The following MGST1 variants were observed in gnomAD, a reference collection of about 807,000 sequenced individuals.
MGST1 encodes microsomal glutathione S-transferase 1.
In MGST1, 5 loss-of-function variants were observed where a neutral mutation model predicts 8.9. The ratio of observed to expected loss-of-function variants is 0.56; its 90% CI spans 0.29 to 1.19. The LOEUF is 1.19. MGST1 is among the 50% of genes most tolerant of loss of function. The probability of loss-of-function intolerance (pLI) is 0.08; values close to 1 mark genes in which losing one functional copy is unlikely to be tolerated. For missense variants in MGST1, 182 were observed against 187.4 expected, an observed-to-expected ratio of 0.97 and a Z score of 0.17; for synonymous variants, 54 against 67.8, an observed-to-expected ratio of 0.80 and a Z score of 1.00.
In MGST1 at chr12:16,587,916, A is replaced by G. The variant is rs1943371292; in HGVS notation, n.483-1612A>G. On this transcript the variant is annotated intron_variant and non_coding_transcript_variant, in intron 4 of 4. Coordinates refer to the MGST1 transcript ENST00000538857. This position sits in a 1 kb window ranked among gnomAD's most constrained non-coding sequence, Gnocchi z 4.3. ...CATTGCTACATTTCTCATGAAAGAA[A>G]ACCTTGATTTAATTTTAAATGAACA... is the stretch of plus-strand genomic sequence containing the variant. Among the ~76,000 whole-genome samples the G allele has an allele frequency of 6.6e-6, 1 of 152,142 alleles. No homozygotes were observed. The highest frequency in any genetic ancestry group is 2.4e-5 in the African/African-American group (1 of 41,442).
intron 4 of MGST1, among the ~76,000 whole-genome samples, chr12:16,574,454 T>C (rs1046255883): frequency 3.9e-5 from 6 of 152,138 alleles, no homozygotes; most frequent in African/African-American, 1.2e-4. Flanking sequence ...GATGGCATAA[T>C]AGATATTCCC....
chr12:16,437,071 A>G (rs1381482626), intron 1 of MGST1, among the ~76,000 whole-genome samples: 1 of 151,968 alleles, frequency 6.6e-6, no homozygotes, highest in Admixed American at 6.6e-5. Flanking sequence ...TTAGAGAAAG[A>G]CAAGATTACT....
intron 3 of MGST1, among the ~76,000 whole-genome samples, chr12:16,375,661 A>G (rs1182013496): frequency 1.3e-5 from 2 of 152,022 alleles, no homozygotes; most frequent in Non-Finnish European, 2.9e-5. Context: ...GCATGGCAGA[A>G]AGAAGATACA....
chr12:16,365,727 A>G (rs1387825801), downstream of MGST1, among the ~76,000 whole-genome samples: 1 of 128,876 alleles, frequency 7.8e-6, no homozygotes, highest in East Asian at 3.3e-4. Context: ...GTGCATGAAC[A>G]TGCACGCGTG....
chr12:16,494,357 CT>C (rs2137159891), intron 4 of MGST1, among the ~76,000 whole-genome samples: 1 of 152,164 alleles, frequency 6.6e-6, no homozygotes, highest in African/African-American at 2.4e-5. Context: ...AGGATTTATG[CT>C]TTGAAACATA....
At position 16,542,129 on chromosome 12, in the gene MGST1, G is replaced by A. The variant is rs142412267; in HGVS notation, n.483-47399G>A. Among the ~76,000 whole-genome samples the A allele has an allele frequency of 2.9e-3, 448 of 152,274 alleles. 5 individuals carry two copies. The highest frequency in any genetic ancestry group is 1.0e-2 in the African/African-American group (415 of 41,554). ...GCAAGAGGAAGGAAACAATAGCAAAGAGAGTAATTCCTACATCTGGAAAGA... is the reference window on the plus strand; with the variant it reads ...GCAAGAGGAAGGAAACAATAGCAAAAAGAGTAATTCCTACATCTGGAAAGA... On this transcript the variant is annotated intron_variant and non_coding_transcript_variant, in intron 4 of 4. Transcript: ENST00000538857.
rs1565471394 is a variant in MGST1, at chr12:16,537,439, G to A, written n.483-52089G>A. Among the ~76,000 whole-genome samples, 1 of 152,144 alleles carries A rather than the reference G, an allele frequency of 6.6e-6. No individual in the cohort carries two copies. Among genetic ancestry groups the A allele is most frequent in the Non-Finnish European group, 1.5e-5 (1 of 68,024 alleles). ...ACCATTCTGGGATCTGGAGCATGGT[G>A]GCCCTCTTCTCACAGCTCCACTAGG... On this transcript the variant is annotated intron_variant and non_coding_transcript_variant, in intron 4 of 4. Transcript: ENST00000538857. This position sits in a 1 kb window ranked among gnomAD's most constrained non-coding sequence, Gnocchi z 4.6.
At position 16,425,492 on chromosome 12, in the gene MGST1, C is replaced by T. The variant is rs550891175; in HGVS notation, n.779-11896C>T. ...AGAGACAGGGTTTCTCCATGTTGGC[C>T]AAGCTGGTCTCAAACTCCAGAACTC... On this transcript the variant is annotated intron_variant and non_coding_transcript_variant, in intron 1 of 1. Transcript: ENST00000359720. 6.6e-5 allele frequency among the ~76,000 whole-genome samples: 10 copies of T among 152,254 alleles called. No individual in the cohort carries two copies. The South Asian group carries it at 1.9e-3, about 28-fold the overall frequency.
At chr12:16,400,500 C>G (rs1940645337) in intron 1 of MGST1, 1 of 812,086 alleles carries the variant, frequency 1.2e-6, no homozygotes. Flanking sequence ...TTACAATGCC[C>G]TCCTTCTCTT....
chr12:16,479,535 C>CTTTTTTTTTTTTTTTTTTT (rs71054820), intron 4 of MGST1, among the ~76,000 whole-genome samples: 7 of 113,120 alleles, frequency 6.2e-5, no homozygotes, highest in African/African-American at 2.7e-4. Context: ...CGCCCGGCCT[C>CTTTTTTTTTTTTTTTTTTT]TTTTTTTTTT....
chr12:16,372,938 T>TATATTATATATTACATATTAC (rs1400053288), intron 3 of MGST1, among the ~76,000 whole-genome samples: 1 of 141,878 alleles, frequency 7.0e-6, no homozygotes, highest in Non-Finnish European at 1.5e-5. Flanking sequence ...TTGTATATTT[T>TATATTATATATTACATATTAC]ATATTATATA....
At chr12:16,506,091 T>G (rs944929256) in intron 4 of MGST1, among the ~76,000 whole-genome samples, 9 of 152,244 alleles carry the variant, frequency 5.9e-5, no homozygotes, top group African/African-American at 2.2e-4. Context: ...CGCTAAAGTA[T>G]CTGACATTTT....
intron 1 of MGST1, among the ~76,000 whole-genome samples, chr12:16,404,751 T>C (rs1316629408): frequency 1.3e-5 from 2 of 152,160 alleles, no homozygotes; most frequent in Non-Finnish European, 2.9e-5. Context: ...TTTTATTGAA[T>C]CAGTGGTCTT....
intron 4 of MGST1, among the ~76,000 whole-genome samples, chr12:16,533,786 C>T (rs1344077982): frequency 6.6e-6 from 1 of 151,592 alleles, no homozygotes; most frequent in African/African-American, 2.4e-5. Context: ...GGTAAACAAA[C>T]ACTGACAAGG....
intron 4 of MGST1, among the ~76,000 whole-genome samples, chr12:16,448,282 T>C (rs1231044543): frequency 1.3e-5 from 2 of 151,904 alleles, no homozygotes; most frequent in Admixed American, 6.6e-5. Context: ...GAAGAGATTG[T>C]ATGGATTTGT....
chr12:16,529,336 T>A (rs1443624377), intron 4 of MGST1, among the ~76,000 whole-genome samples: 1 of 152,028 alleles, frequency 6.6e-6, no homozygotes, highest in Non-Finnish European at 1.5e-5. Context: ...TCTGCGAATT[T>A]AAGTGCCAAA....
chr12:16,402,292 T>C, intron 1 of MGST1: 1 of 1,592,202 alleles, frequency 6.3e-7, no homozygotes, highest in Non-Finnish European at 8.6e-7. Flanking sequence ...GAATAAACAA[T>C]TTCTTCATCA....
intron 1 of MGST1, among the ~76,000 whole-genome samples, chr12:16,387,716 C>T (rs10846351): frequency 0.094 from 14,286 of 151,840 alleles, 1,058 homozygotes; most frequent in East Asian, 0.3. Context: ...TTAGTAGAGA[C>T]GGGTTTTCAC....
chr12:16,543,966 G>T (rs1275061704), intron 4 of MGST1, among the ~76,000 whole-genome samples: 1 of 151,856 alleles, frequency 6.6e-6, no homozygotes, highest in African/African-American at 2.4e-5. Context: ...TTTCTTTATT[G>T]ACATCTCAGT....
Sources: allele counts gnomAD v4.1 joint callset (sites outside exome capture counted in the v4.1 genomes callset), GRCh38; gene constraint gnomAD v4.1.1; non-coding constraint Gnocchi (gnomAD v3.1); transcripts MANE v1.5; gene names NCBI Gene and HGNC (gene_info 2026-07-23, HGNC 2026-07-21).